Variants in ITGAE observed in about 807,000 individuals in gnomAD.
The protein encoded by ITGAE is integrin subunit alpha E.
In ITGAE, 99 loss-of-function variants were observed where a neutral mutation model predicts 136.5. That is an observed-to-expected ratio of 0.73 (90% confidence interval 0.62 to 0.86). ITGAE has a LOEUF of 0.86. Among genes scored for constraint, ITGAE ranks in the 40% least tolerant of loss-of-function variants. ITGAE has a pLI of 0.00. For synonymous variants in ITGAE, 613 were observed against 591.8 expected (o/e 1.04, Z -0.52); for missense variants, 1,447 against 1,515.3 (o/e 0.95, Z 0.75).
intron 16 of ITGAE, among the ~76,000 whole-genome samples, chr17:3,749,487 T>C (rs185233867): frequency 2.0e-4 from 30 of 152,092 alleles, no homozygotes; most frequent in Admixed American, 3.3e-4. Context: ...CTCCTGACCT[T>C]GTGATCCACC....
At position 3,714,943 on chromosome 17, in the gene ITGAE, C is replaced by T. The variant is rs1405256088; in HGVS notation, c.3445-1G>A. On this transcript the variant is annotated splice_acceptor_variant, in intron 30 of 30. Coordinates refer to ENST00000263087, the MANE Select transcript of ITGAE (RefSeq NM_002208.5). LOFTEE classifies it high-confidence loss of function. ...GATATTTTCTTTTAAAAAAGCCACA[C>T]TGAAACAAAGGAAGGAAAAGTCCAG... 4 of 1,585,370 alleles carry T rather than the reference C, an allele frequency of 2.5e-6. No individual in the cohort carries two copies. The highest frequency in any genetic ancestry group is 1.3e-5 in the African/African-American group (1 of 74,420).
Position 3,755,876 on chromosome 17 carries a change from T to C in ITGAE, c.1193A>G (p.His398Arg), listed in dbSNP as rs980631078. ...GAAGCCAATCTGTGCCAGCTGGTAG[T>C]GAAGGGCGTCTCCAACCGTGCCTGC... ...SMEGTVGDAL[H>R]YQLAQIGFSA... The change falls in exon 11 of 31, where the codon CAC becomes CGC. Residue 398 changes from histidine to arginine, a missense_variant. His to Arg is a conservative substitution (Grantham distance 29). Around this residue, in one of 3 missense-constraint regions of ITGAE, gnomAD observed 1,031 missense variants for 1,011.4 expected, o/e 1.02. Coordinates refer to ENST00000263087, the MANE Select transcript of ITGAE (RefSeq NM_002208.5). The C allele has an allele frequency of 4.4e-6, 7 of 1,599,758 alleles. No individual in the cohort carries two copies. The highest frequency in any genetic ancestry group is 1.1e-5 in the South Asian group (1 of 88,288).
chr17:3,799,390 A>G lies in ITGAE; in HGVS notation c.34+1721T>C, dbSNP rs546551128. ...GCTCCATCATCGCTCTCTGCTGCCC[A>G]TCAGCTTGGGAAGGGCCTAGGCCTC... is the stretch of plus-strand genomic sequence containing the variant. On this transcript the variant is annotated intron_variant, in intron 1 of 30. Coordinates refer to ENST00000263087, the MANE Select transcript of ITGAE (RefSeq NM_002208.5). This position sits in a 1 kb window ranked among gnomAD's most constrained non-coding sequence, Gnocchi z 4.1. 6.6e-6 allele frequency among the ~76,000 whole-genome samples: 1 copy of G among 152,152 alleles called. No individual in the cohort carries two copies. Among genetic ancestry groups the G allele is most frequent in the East Asian group, 1.9e-4 (1 of 5,162 alleles).
intron 6 of ITGAE, 35 bp downstream of exon 6, chr17:3,760,978 T>C (rs761374619): frequency 2.5e-6 from 4 of 1,579,714 alleles, no homozygotes; most frequent in South Asian, 1.1e-5. Context: ...TTGGCTCTGA[T>C]AGACTCAGAG....
At chr17:3,775,095 C>T (rs2052510275) in intron 2 of ITGAE, among the ~76,000 whole-genome samples, 2 of 152,104 alleles carry the variant, frequency 1.3e-5, no homozygotes, top group Admixed American at 1.3e-4. Context: ...GGACTACAGG[C>T]TTAAACCACC....
At chr17:3,767,513 A>G (rs1431657150) in intron 2 of ITGAE, among the ~76,000 whole-genome samples, 1 of 152,194 alleles carries the variant, frequency 6.6e-6, no homozygotes, top group African/African-American at 2.4e-5. Flanking sequence ...AATTACAAGC[A>G]TGAGCCACCG....
intron 24 of ITGAE, 185 bp downstream of exon 24, chr17:3,729,293 G>A: frequency 1.7e-6 from 1 of 584,044 alleles, no homozygotes; most frequent in African/African-American, 1.9e-5. Context: ...ACCACAGTGG[G>A]GTTTCTGTGA....
At chr17:3,747,413 G>A (rs185773158) in intron 17 of ITGAE, among the ~76,000 whole-genome samples, 4 of 152,208 alleles carry the variant, frequency 2.6e-5, no homozygotes, top group Non-Finnish European at 2.9e-5. Flanking sequence ...CGTCTCCTGG[G>A]TTCATGCTAT....
intron 1 of ITGAE, among the ~76,000 whole-genome samples, chr17:3,788,884 T>C (rs1475521310): frequency 6.7e-6 from 1 of 149,758 alleles, no homozygotes; most frequent in African/African-American, 2.4e-5. Context: ...GAATAAGAAT[T>C]ACAAGTATGT....
chr17:3,720,736 C>T (rs2051033577), intron 28 of ITGAE: 2 of 192,142 alleles, frequency 1.0e-5, no homozygotes, highest in South Asian at 1.6e-4. Flanking sequence ...GCATGTGCCA[C>T]CATGCCAGGC....
chr17:3,753,131 C>T (rs890590640), intron 14 of ITGAE, among the ~76,000 whole-genome samples, 159 bp downstream of exon 14: 11 of 152,180 alleles, frequency 7.2e-5, no homozygotes, highest in African/African-American at 2.2e-4. Context: ...GTGCGGAGAG[C>T]GATGCCGCTG....
At chr17:3,717,816 T>C (rs2050971224) in intron 29 of ITGAE, 1 of 151,878 alleles carries the variant, frequency 6.6e-6, no homozygotes, top group Admixed American at 6.6e-5. Context: ...GCTTTGAGAA[T>C]AGGGAGGTAC....
intron 5 of ITGAE, 69 bp from the exon 6 acceptor site, chr17:3,761,246 T>C (rs2052160788): frequency 1.3e-6 from 2 of 1,576,000 alleles, no homozygotes; most frequent in South Asian, 2.3e-5. Flanking sequence ...CGCTCACACA[T>C]GGTTCTGCCC....
intron 29 of ITGAE, chr17:3,717,432 G>A (rs1359705489): frequency 1.3e-5 from 2 of 152,210 alleles, no homozygotes; most frequent in Non-Finnish European, 2.9e-5. Flanking sequence ...CGCAGGTTTT[G>A]TTTTCCAAAG....
intron 1 of ITGAE, among the ~76,000 whole-genome samples, chr17:3,790,511 A>AACAC (rs144084191): frequency 2.3e-4 from 14 of 60,366 alleles, no homozygotes; most frequent in East Asian, 7.0e-4. Flanking sequence ...GTCTCAAACA[A>AACAC]ACACACACAC....
rs139165075 is a variant in ITGAE at position 3,734,896 on chromosome 17, G to C, written c.2576C>G (p.Thr859Ser). Residue 859 changes from threonine to serine, a missense_variant, in exon 21 of 31, where the codon ACT (threonine) becomes AGT (serine). Physicochemically the swap from Thr to Ser is moderately conservative, Grantham distance 58 (BLOSUM62 1). Transcript: ENST00000263087. ...TKELTLNINL[T>S]NSGEDSYMTS... is the part of the protein sequence containing the mutation. The stretch of plus-strand genomic sequence containing the variant: ...CATGTAGGAATCTTCCCCGGAGTTA[G>C]TTAGGTTAATGTTCAGGGTCAGCTC... 72 of 1,614,182 alleles carry C rather than the reference G, an allele frequency of 4.5e-5. No homozygotes were observed. The African/African-American group carries it at 8.4e-4, about 19-fold the overall frequency.
At chr17:3,746,115 C>T (rs2051707817) in intron 17 of ITGAE, among the ~76,000 whole-genome samples, 188 bp from the exon 18 acceptor site, 1 of 152,204 alleles carries the variant, frequency 6.6e-6, no homozygotes, top group Non-Finnish European at 1.5e-5. Flanking sequence ...GACACCTGAC[C>T]AGGGTCTCTG....
At position 3,790,956 on chromosome 17, in the gene ITGAE, C is replaced by T. The variant is rs867911259; in HGVS notation, c.34+10155G>A. On this transcript the variant is annotated intron_variant, in intron 1 of 30. Transcript: ENST00000263087. Reference sequence around the variant, plus strand: ...GATCACGAGGTCAGGAGATCGAGACCGTCCTGGCTAACACGGTGAAACCCC... The same window carrying T: ...GATCACGAGGTCAGGAGATCGAGACTGTCCTGGCTAACACGGTGAAACCCC... Among the ~76,000 whole-genome samples the T allele has an allele frequency of 4.5e-4, 68 of 152,056 alleles. No homozygotes were observed. The Middle Eastern group carries it at 0.014, about 30-fold the overall frequency.
intron 20 of ITGAE, among the ~76,000 whole-genome samples, chr17:3,735,551 C>T (rs2051442786): frequency 6.6e-6 from 1 of 152,030 alleles, no homozygotes; most frequent in African/African-American, 2.4e-5. Flanking sequence ...CTCAAGTGAT[C>T]CACCTGCCTT....
Sources: allele counts gnomAD v4.1 joint callset (sites outside exome capture counted in the v4.1 genomes callset), GRCh38; gene constraint gnomAD v4.1.1; regional missense constraint gnomAD v4.1.1; non-coding constraint Gnocchi (gnomAD v3.1); transcripts MANE v1.5; gene names NCBI Gene and HGNC (gene_info 2026-07-23, HGNC 2026-07-21).